Variants in MAN1C1 observed in about 807,000 individuals in gnomAD.
The protein encoded by MAN1C1 is mannosyl-oligosaccharide 1,2-alpha-mannosidase IC.
Under a neutral mutation model 71.5 loss-of-function variants are expected in MAN1C1, and 49 were observed. The observed-to-expected ratio is 0.69, with a 90% confidence interval of 0.54 to 0.87. MAN1C1 has a LOEUF of 0.87. Ranked by LOEUF, MAN1C1 falls within the 40% of genes least tolerant of loss-of-function variation. The pLI, the probability that MAN1C1 is intolerant of heterozygous loss-of-function variation, is 0.00. For missense variants in MAN1C1, 743 were observed against 835.0 expected (o/e 0.89, Z 1.36); for synonymous variants, 352 against 343.7 (o/e 1.02, Z -0.27).
At chr1:25,677,261 T>C (rs937119947) in intron 1 of MAN1C1, among the ~76,000 whole-genome samples, 4 of 152,162 alleles carry the variant, frequency 2.6e-5, no homozygotes, top group African/African-American at 7.2e-5. Context: ...CTCTCTATCA[T>C]TGGAGCTTTG....
intron 1 of MAN1C1, among the ~76,000 whole-genome samples, chr1:25,639,364 G>A (rs2045507876): frequency 6.6e-6 from 1 of 152,150 alleles, no homozygotes; most frequent in Non-Finnish European, 1.5e-5. Flanking sequence ...TGACTTATCT[G>A]CTGAGTATGG....
intron 4 of MAN1C1, among the ~76,000 whole-genome samples, chr1:25,750,141 C>A (rs974436770): frequency 6.6e-6 from 1 of 152,240 alleles, no homozygotes; most frequent in Non-Finnish European, 1.5e-5. Flanking sequence ...GGTTCTGATA[C>A]CCCTTCGCTC....
Position 25,629,131 on chromosome 1 carries a change from G to A in MAN1C1, c.540+10794G>A, listed in dbSNP as rs770753050. Among the ~76,000 whole-genome samples, 8 of 152,108 alleles carry A rather than the reference G, an allele frequency of 5.3e-5. No individual in the cohort carries two copies. The South Asian group carries it at 1.0e-3, about 20-fold the overall frequency. ...TACCCAGTAGTGGGACTGCAGGATCGAATGGTAGATCTACTTATAGTTCTT... is the reference window on the plus strand; with the variant it reads ...TACCCAGTAGTGGGACTGCAGGATCAAATGGTAGATCTACTTATAGTTCTT... On this transcript the variant is annotated intron_variant, in intron 1 of 11. Transcript: ENST00000374332.
intron 1 of MAN1C1, among the ~76,000 whole-genome samples, chr1:25,653,877 G>A (rs1427960423): frequency 1.3e-5 from 2 of 152,186 alleles, no homozygotes; most frequent in Non-Finnish European, 2.9e-5. Context: ...TCCCCCAGGG[G>A]AGTCAAAGGT....
At chr1:25,704,976 T>TTAAG (rs2046499617) in intron 2 of MAN1C1, among the ~76,000 whole-genome samples, 1 of 152,268 alleles carries the variant, frequency 6.6e-6, no homozygotes, top group South Asian at 2.1e-4. Flanking sequence ...TTCCCTCTTG[T>TTAAG]TAAGGCTGCA....
In MAN1C1 at chr1:25,699,032, C is replaced by T. The variant is rs1273253210; in HGVS notation, c.637+12496C>T. 6.0e-5 allele frequency among the ~76,000 whole-genome samples: 9 copies of T among 149,966 alleles called. No individual in the cohort carries two copies. The South Asian group carries it at 8.5e-4, about 14-fold the overall frequency. On this transcript the variant is annotated intron_variant, in intron 2 of 11. Coordinates refer to ENST00000374332, the MANE Select transcript of MAN1C1 (RefSeq NM_020379.4). The stretch of plus-strand genomic sequence containing the variant: ...GAATGAAGAAGCATGAAAGGCTGGG[C>T]GCAGTGCCTCACGCCTATAATCCCA...
intron 1 of MAN1C1, among the ~76,000 whole-genome samples, chr1:25,654,930 C>A (rs533245012): frequency 6.6e-6 from 1 of 152,274 alleles, no homozygotes; most frequent in South Asian, 2.1e-4. Context: ...CAGGCGTGAG[C>A]CACCGTGTCG....
chr1:25,705,630 G>A (rs1170293201), intron 2 of MAN1C1, among the ~76,000 whole-genome samples: 4 of 152,174 alleles, frequency 2.6e-5, no homozygotes, highest in Non-Finnish European at 5.9e-5. Context: ...CATTTACCAC[G>A]TGCCACTCTG....
intron 2 of MAN1C1, among the ~76,000 whole-genome samples, 199 bp downstream of exon 2, chr1:25,686,735 G>A (rs1193056470): frequency 6.6e-6 from 1 of 152,108 alleles, no homozygotes; most frequent in Non-Finnish European, 1.5e-5. Flanking sequence ...AATCCTATAT[G>A]CTTCTCTCTA....
intron 4 of MAN1C1, among the ~76,000 whole-genome samples, chr1:25,750,862 A>G (rs3817763): frequency 0.025 from 3,751 of 152,194 alleles, 253 homozygotes; most frequent in East Asian, 0.17. Context: ...GATGGCCTGC[A>G]GGAAGGAAGA....
At chr1:25,681,215 A>G (rs1215325324) in intron 1 of MAN1C1, among the ~76,000 whole-genome samples, 1 of 150,066 alleles carries the variant, frequency 6.7e-6, no homozygotes, top group African/African-American at 2.5e-5. Context: ...AACAAGAGCA[A>G]TACTCCGTCT....
intron 2 of MAN1C1, among the ~76,000 whole-genome samples, chr1:25,715,191 C>T (rs958519195): frequency 6.6e-6 from 1 of 152,100 alleles, no homozygotes; most frequent in Non-Finnish European, 1.5e-5. Context: ...CAGTTTAAGC[C>T]CAAAATTAGT....
intron 7 of MAN1C1, among the ~76,000 whole-genome samples, chr1:25,767,612 A>C: frequency 9.7e-6 from 1 of 103,306 alleles, no homozygotes; most frequent in African/African-American, 4.0e-5. Flanking sequence ...CCTCACATAC[A>C]TCCACACTCC....
At chr1:25,758,455 T>C in intron 5 of MAN1C1, 137 bp from the exon 6 acceptor site, 3 of 707,118 alleles carry the variant, frequency 4.2e-6, no homozygotes, top group Non-Finnish European at 5.0e-6. Flanking sequence ...GAGGATTCAC[T>C]GAAATTGTAC....
At chr1:25,771,871 C>T (rs1204333148) in intron 8 of MAN1C1, 99 bp downstream of exon 8, 8 of 853,706 alleles carry the variant, frequency 9.4e-6, no homozygotes, top group Admixed American at 5.8e-5. Context: ...CCAGATGGGC[C>T]GAGACTTGCT....
chr1:25,701,826 C>T (rs2046447984), intron 2 of MAN1C1, among the ~76,000 whole-genome samples: 1 of 152,170 alleles, frequency 6.6e-6, no homozygotes, highest in African/African-American at 2.4e-5. Context: ...TTGGGAGGCC[C>T]AGGCGGGTGG....
intron 2 of MAN1C1, among the ~76,000 whole-genome samples, chr1:25,705,100 G>GT (rs1440965048): frequency 6.6e-5 from 10 of 151,924 alleles, no homozygotes; most frequent in Admixed American, 1.3e-4. Flanking sequence ...TACTCGATCC[G>GT]TTTTTTTCTC....
At chr1:25,722,604 G>A (rs1414172474) in intron 2 of MAN1C1, among the ~76,000 whole-genome samples, 1 of 152,098 alleles carries the variant, frequency 6.6e-6, no homozygotes, top group Non-Finnish European at 1.5e-5. Flanking sequence ...TTCTGTTCTT[G>A]TCTCACAGAC....
chr1:25,749,821 C>A (rs1303966680), intron 4 of MAN1C1, among the ~76,000 whole-genome samples: 1 of 152,236 alleles, frequency 6.6e-6, no homozygotes, highest in African/African-American at 2.4e-5. Context: ...CCAAGACCCC[C>A]AGGCCTTGTC....
Sources: gnomAD v4.1 joint callset for allele counts (sites outside exome capture counted in the v4.1 genomes callset) on GRCh38, gnomAD v4.1.1 for gene constraint, MANE v1.5 for transcripts, NCBI Gene and HGNC (gene_info 2026-07-23, HGNC 2026-07-21) for gene names.